The following FRMD4A variants were observed in gnomAD, a reference collection of about 807,000 sequenced individuals.
FRMD4A encodes FERM domain-containing protein 4A.
Under a neutral mutation model 129.1 loss-of-function variants are expected in FRMD4A, and 29 were observed. The observed-to-expected ratio is 0.22, with a 90% confidence interval of 0.17 to 0.31. The LOEUF (loss-of-function observed/expected upper bound fraction) is 0.31. Ranked by LOEUF, FRMD4A falls within the 10% of genes least tolerant of loss-of-function variation. FRMD4A has a pLI of 1.00. For missense variants in FRMD4A, 1,272 were observed against 1,375.8 expected (o/e 0.92, Z 1.19); for synonymous variants, 634 against 571.6 (o/e 1.11, Z -1.56).
intron 2 of FRMD4A, among the ~76,000 whole-genome samples, chr10:13,895,098 T>C (rs188366200): frequency 2.6e-5 from 4 of 152,334 alleles, no homozygotes; most frequent in Admixed American, 2.6e-4. Context: ...AAAAAAGTTG[T>C]ATTTAAGTTC....
At chr10:14,232,287 G>C (rs1263857439) in intron 2 of FRMD4A, among the ~76,000 whole-genome samples, 3 of 152,068 alleles carry the variant, frequency 2.0e-5, no homozygotes, top group African/African-American at 7.2e-5. Flanking sequence ...CCATTGGTCT[G>C]TTTGTTTGTT....
At chr10:13,807,699 CCA>C (rs1337708645) in intron 4 of FRMD4A, among the ~76,000 whole-genome samples, 3 of 152,238 alleles carry the variant, frequency 2.0e-5, no homozygotes, top group Admixed American at 6.5e-5. Context: ...TATATTTTCT[CCA>C]GTTTCATCTA....
intron 3 of FRMD4A, among the ~76,000 whole-genome samples, chr10:13,844,768 G>T (rs990751942): frequency 2.0e-4 from 31 of 152,298 alleles, no homozygotes; most frequent in African/African-American, 7.2e-4. Flanking sequence ...CCTGCTAGTC[G>T]CATGCTCTTC....
At chr10:14,084,525 A>G (rs2926870) in intron 2 of FRMD4A, among the ~76,000 whole-genome samples, 88,939 of 152,072 alleles carry the variant, frequency 0.58, 27,059 homozygotes, top group East Asian at 0.84. Context: ...TTGACATCTC[A>G]GGTCTTACAG....
At chr10:13,976,841 G>A (rs1380136084) in intron 2 of FRMD4A, among the ~76,000 whole-genome samples, 4 of 152,212 alleles carry the variant, frequency 2.6e-5, no homozygotes, top group Non-Finnish European at 5.9e-5. Flanking sequence ...ATTGGCTGAA[G>A]AACTATTCTA....
chr10:14,280,929 T>G (rs1845495822), intron 2 of FRMD4A, among the ~76,000 whole-genome samples: 4 of 150,780 alleles, frequency 2.7e-5, no homozygotes, highest in African/African-American at 9.8e-5. Context: ...CTTTAAAAGA[T>G]GAAATTAAAA....
At chr10:14,219,071 G>C (rs899357759) in intron 2 of FRMD4A, among the ~76,000 whole-genome samples, 5 of 151,072 alleles carry the variant, frequency 3.3e-5, no homozygotes, top group Non-Finnish European at 7.4e-5. Context: ...TAGGAAGTAA[G>C]AGGAAGGCAA....
intron 2 of FRMD4A, among the ~76,000 whole-genome samples, chr10:13,977,059 G>C (rs1454729244): frequency 6.6e-6 from 1 of 151,792 alleles, no homozygotes; most frequent in African/African-American, 2.4e-5. Context: ...AAGAACAAAA[G>C]AAGATCAATA....
At chr10:13,905,410 A>AT (rs1274998160) in intron 2 of FRMD4A, among the ~76,000 whole-genome samples, 1 of 152,122 alleles carries the variant, frequency 6.6e-6, no homozygotes, top group Non-Finnish European at 1.5e-5. Context: ...GTAGGCACAG[A>AT]TTTTTTCTCA....
chr10:14,013,938 AAAAC>A (rs779840460), intron 2 of FRMD4A, among the ~76,000 whole-genome samples: 2 of 152,160 alleles, frequency 1.3e-5, no homozygotes, highest in Non-Finnish European at 2.9e-5. Flanking sequence ...TTTCAAAACA[AAAAC>A]AAACAAACAA....
At chr10:14,168,318 G>T (rs1841299314) in intron 2 of FRMD4A, among the ~76,000 whole-genome samples, 1 of 152,186 alleles carries the variant, frequency 6.6e-6, no homozygotes, top group Admixed American at 6.5e-5. Context: ...AACCTCGTAA[G>T]AGCTGAAGCA....
rs1485681928 is a variant in FRMD4A at position 13,987,466 on chromosome 10, T to C, written c.46-128554A>G. On this transcript the variant is annotated intron_variant, in intron 2 of 24. Coordinates refer to ENST00000357447, the MANE Select transcript of FRMD4A (RefSeq NM_018027.5). ...AGCCTGAATATTAGTAACATGCATT[T>C]ATTTCTACATTAAAGTCATTTCTTA... Among the ~76,000 whole-genome samples, 3 of 152,212 alleles carry C rather than the reference T, an allele frequency of 2.0e-5. No individual in the cohort carries two copies. The East Asian group carries it at 5.8e-4, about 29-fold the overall frequency.
At chr10:14,305,888 T>C (rs1050655560) in intron 2 of FRMD4A, among the ~76,000 whole-genome samples, 2 of 152,168 alleles carry the variant, frequency 1.3e-5, no homozygotes, top group African/African-American at 4.8e-5. Context: ...AATCAAATAC[T>C]GCATATTCTC....
intron 2 of FRMD4A, among the ~76,000 whole-genome samples, chr10:14,224,932 G>T (rs554633084): frequency 6.6e-6 from 1 of 152,102 alleles, no homozygotes; most frequent in Non-Finnish European, 1.5e-5. Flanking sequence ...ATCCAAGAGG[G>T]CTCAAAGAAA....
At chr10:13,997,624 C>CTTTTCT (rs796278597) in intron 2 of FRMD4A, among the ~76,000 whole-genome samples, 2 of 86,154 alleles carry the variant, frequency 2.3e-5, no homozygotes, top group Non-Finnish European at 5.3e-5. Context: ...CTTTTCTTTT[C>CTTTTCT]TTTTTTTTTT....
At chr10:14,009,312 GT>G (rs56267292) in intron 2 of FRMD4A, among the ~76,000 whole-genome samples, 30,450 of 149,766 alleles carry the variant, frequency 0.2, 3,477 homozygotes, top group East Asian at 0.45. Flanking sequence ...GTATGTTTGG[GT>G]TTTTTTTTTC....
At chr10:13,864,731 A>T (rs2094342710) in intron 2 of FRMD4A, among the ~76,000 whole-genome samples, 1 of 151,706 alleles carries the variant, frequency 6.6e-6, no homozygotes, top group Non-Finnish European at 1.5e-5. Context: ...ACCCGCCACC[A>T]TGCCAGGCTA....
chr10:13,725,955 A>G (rs2089860965), intron 12 of FRMD4A, among the ~76,000 whole-genome samples: 1 of 152,246 alleles, frequency 6.6e-6, no homozygotes, highest in Non-Finnish European at 1.5e-5. Context: ...AGATATAAAA[A>G]GAGAGGCACA....
chr10:14,260,774 AT>A (rs1844774447), intron 2 of FRMD4A, among the ~76,000 whole-genome samples: 1 of 152,222 alleles, frequency 6.6e-6, no homozygotes, highest in African/African-American at 2.4e-5. Context: ...AAGGCAAACT[AT>A]TTCCTTAACT....
Sources: gnomAD v4.1 joint callset for allele counts (sites outside exome capture counted in the v4.1 genomes callset) on GRCh38, gnomAD v4.1.1 for gene constraint, MANE v1.5 for transcripts, NCBI Gene and HGNC (gene_info 2026-07-23, HGNC 2026-07-21) for gene names.